Variants in ADAMTS16 observed in about 807,000 individuals in gnomAD.
ADAMTS16 encodes A disintegrin and metalloproteinase with thrombospondin motifs 16.
In ADAMTS16, 94 loss-of-function variants were observed where a neutral mutation model predicts 145.8. The observed-to-expected ratio is 0.64, with a 90% confidence interval of 0.55 to 0.77. The LOEUF (loss-of-function observed/expected upper bound fraction) is 0.77. Among genes scored for constraint, ADAMTS16 ranks in the 30% least tolerant of loss-of-function variants. The pLI is 0.00. For missense variants in ADAMTS16, 1,585 were observed against 1,591.5 expected (o/e 1.00, Z 0.07); for synonymous variants, 659 against 604.3 (o/e 1.09, Z -1.33).
intron 18 of ADAMTS16, among the ~76,000 whole-genome samples, chr5:5,291,665 C>T (rs1353587921): frequency 1.8e-4 from 25 of 139,268 alleles, no homozygotes; most frequent in African/African-American, 6.2e-4. Flanking sequence ...CCCCCACCCC[C>T]ACACCACAAG....
intron 3 of ADAMTS16, among the ~76,000 whole-genome samples, chr5:5,148,771 A>G (rs1161498737): frequency 2.0e-5 from 3 of 152,216 alleles, no homozygotes; most frequent in Non-Finnish European, 4.4e-5. Context: ...AGAACTATGT[A>G]TGGCTGCAGC....
Position 5,306,492 on chromosome 5 carries a change from T to C in ADAMTS16, c.3187-12T>C. 6.3e-7 allele frequency: 1 copy of C among 1,596,216 alleles called. No homozygotes were observed. The highest frequency in any genetic ancestry group is 8.6e-7 in the Non-Finnish European group (1 of 1,168,662). ...TTTTTTTCACTGACTTCTTTTGTTC[T>C]CTTCTTTTTAGTGCTCTGTGACATG... On this transcript the variant is annotated splice_polypyrimidine_tract_variant and intron_variant, in intron 20 of 22. Coordinates refer to ENST00000274181, the MANE Select transcript of ADAMTS16 (RefSeq NM_139056.4).
rs759385638 is a variant in ADAMTS16, at chr5:5,303,635, T to G, written c.3055T>G (p.Ser1019Ala). 16 of 1,614,058 alleles carry G rather than the reference T, an allele frequency of 9.9e-6. No individual in the cohort carries two copies. The South Asian group carries it at 1.5e-4, about 16-fold the overall frequency. Residue 1019 changes from serine (S) to alanine (A), a missense_variant, in exon 20 of 23, where the codon TCG (serine) becomes GCG (alanine). Ser to Ala is a moderately conservative substitution (Grantham distance 99, BLOSUM62 1). Coordinates refer to ENST00000274181, the MANE Select transcript of ADAMTS16 (RefSeq NM_139056.4). ...AGTGGCCTGTAAGAGCACCAACCCC[T>G]CGGCCAGAGCGCAGCTGCTGCCCGA... ...RAVACKSTNP[S>A]ARAQLLPDAV...
At chr5:5,288,848 C>T (rs1292122430) in intron 18 of ADAMTS16, among the ~76,000 whole-genome samples, 2 of 152,192 alleles carry the variant, frequency 1.3e-5, no homozygotes, top group Non-Finnish European at 2.9e-5. Context: ...GGCTCCCTTC[C>T]TGATCCTGCC....
Position 5,140,492 on chromosome 5 carries a change from CG to C in ADAMTS16, c.29del (p.Gly10AlafsTer92). On this transcript the variant is annotated frameshift_variant, in exon 1 of 23. Coordinates refer to ENST00000274181, the MANE Select transcript of ADAMTS16 (RefSeq NM_139056.4). LOFTEE classifies it high-confidence loss of function. MKPRARGW[R>X]GLAALWMLLA... ...GATGAAGCCCCGCGCGCGCGGATGG[CG>C]GGGCTTGGCGGCGCTGTGGATGCTG... is the stretch of plus-strand genomic sequence containing the variant. 6.6e-7 allele frequency: 1 copy of C among 1,516,868 alleles called. No homozygotes were observed. Among genetic ancestry groups the C allele is most frequent in the Non-Finnish European group, 8.8e-7 (1 of 1,142,518 alleles). The allele number at this position is 1,516,868 out of a possible 1,614,324, so 94.0% of individuals were successfully genotyped here.
In ADAMTS16 at chr5:5,232,426, G is replaced by A. The variant is rs2126369672; in HGVS notation, c.1760G>A (p.Gly587Asp). 1 of 1,614,010 alleles carries A rather than the reference G, an allele frequency of 6.2e-7. No homozygotes were observed. The highest frequency in any genetic ancestry group is 2.2e-5 in the East Asian group (1 of 44,868). The change falls in exon 12 of 23, where the codon GGC becomes GAC. Residue 587 changes from glycine (G) to aspartate (D), a missense_variant. By Grantham distance (94) the Gly-to-Asp change is moderately conservative. Transcript: ENST00000274181. Reference protein sequence around the residue: ...YGDEGPKPTHGHWSDWSSWSP... With the variant: ...YGDEGPKPTHDHWSDWSSWSP... ...GATGAAGGCCCCAAGCCCACCCATG[G>A]CCACTGGTCGGACTGGTCTTCTTGG...
Position 5,200,258 on chromosome 5 carries a change from C to T in ADAMTS16, c.1440C>T (p.His480=), listed in dbSNP as rs1224857025. ...SWSPCSRQYL[H]KFLSTAQAIC... ...CACCCTGCAGCCGCCAGTATCTACA[C>T]AAATTTCTAAGGTAGGAACTCTTTA... The change falls in exon 9 of 23, where the codon CAC becomes CAT. Residue 480 remains histidine, a synonymous_variant. Coordinates refer to ENST00000274181, the MANE Select transcript of ADAMTS16 (RefSeq NM_139056.4). The T allele has an allele frequency of 3.1e-6, 5 of 1,613,944 alleles. No individual in the cohort carries two copies. The highest frequency in any genetic ancestry group is 4.2e-6 in the Non-Finnish European group (5 of 1,179,966).
rs191517591 is a variant in ADAMTS16, at chr5:5,146,143, C to A, written c.189C>A (p.Val63=). The A allele has an allele frequency of 3.7e-5, 59 of 1,613,524 alleles. No individual in the cohort carries two copies. The highest frequency in any genetic ancestry group is 1.7e-4 in the Middle Eastern group (1 of 6,060). The stretch of plus-strand genomic sequence containing the variant: ...TTTTGATTTCAGAATATGACCTGGT[C>A]TCTGCCTACGAGGTTGACCACAGGG... ...GWMEKGEYDL[V]SAYEVDHRGD... Residue 63 remains valine (V), a synonymous_variant, in exon 3 of 23, where the codon GTC becomes GTA. Coordinates refer to ENST00000274181, the MANE Select transcript of ADAMTS16 (RefSeq NM_139056.4).
chr5:5,234,304 G>A (rs905060379), intron 12 of ADAMTS16, among the ~76,000 whole-genome samples: 1 of 152,174 alleles, frequency 6.6e-6, no homozygotes, highest in African/African-American at 2.4e-5. Flanking sequence ...AAGAAATTTT[G>A]GTCTTGAAAG....
chr5:5,189,010 G>A (rs1560065), intron 6 of ADAMTS16, among the ~76,000 whole-genome samples: 102,866 of 152,102 alleles, frequency 0.68, 35,218 homozygotes, highest in East Asian at 0.81. Flanking sequence ...GCTAAAGAAC[G>A]CAAGGCTTGC....
At chr5:5,251,851 C>T (rs560612673) in intron 17 of ADAMTS16, among the ~76,000 whole-genome samples, 1 of 152,110 alleles carries the variant, frequency 6.6e-6, no homozygotes, top group Non-Finnish European at 1.5e-5. Flanking sequence ...GCCAAGTACT[C>T]GGTGCTTTTT....
intron 10 of ADAMTS16, among the ~76,000 whole-genome samples, chr5:5,222,583 G>A (rs1397220819): frequency 6.6e-6 from 1 of 152,080 alleles, no homozygotes; most frequent in African/African-American, 2.4e-5. Context: ...AACAAATAAA[G>A]TATAAGAGAT....
chr5:5,219,605 T>C (rs549277213), intron 10 of ADAMTS16, among the ~76,000 whole-genome samples: 5 of 152,366 alleles, frequency 3.3e-5, no homozygotes, highest in African/African-American at 1.2e-4. Context: ...TCCCAAATTA[T>C]GTTTTAAGTG....
intron 2 of ADAMTS16, among the ~76,000 whole-genome samples, chr5:5,141,717 A>T (rs549121056): frequency 6.6e-6 from 1 of 152,242 alleles, no homozygotes; most frequent in Non-Finnish European, 1.5e-5. Flanking sequence ...AGTTATTTCA[A>T]TTTGATAAAA....
intron 18 of ADAMTS16, among the ~76,000 whole-genome samples, chr5:5,283,960 A>G (rs1579378363): frequency 6.6e-6 from 1 of 152,188 alleles, no homozygotes; most frequent in East Asian, 1.9e-4. Context: ...TTGGTCTATG[A>G]TATTATTTGT....
chr5:5,217,529 G>A (rs997030143), intron 10 of ADAMTS16, among the ~76,000 whole-genome samples: 1 of 152,160 alleles, frequency 6.6e-6, no homozygotes. Flanking sequence ...GTTGAAGAGT[G>A]TAGTACAGAC....
chr5:5,232,919 A>G (rs955724196), intron 12 of ADAMTS16, among the ~76,000 whole-genome samples: 1 of 152,112 alleles, frequency 6.6e-6, no homozygotes, highest in African/African-American at 2.4e-5. Flanking sequence ...CTTAATAGCA[A>G]GCCTGTACTG....
rs1460301606 is a variant in ADAMTS16 at position 5,310,045 on chromosome 5, T to C, written c.3411+3317T>C. On this transcript the variant is annotated intron_variant, in intron 21 of 22. Transcript: ENST00000274181. The surrounding 1 kb of genome is among the most constrained non-coding windows in gnomAD (Gnocchi z 4.3). ...CCTGCCAGTGGGGCAAAACCCACCATAGGCCACTCCGCAGGCAGAGGAGTG... is the reference window on the plus strand; with the variant it reads ...CCTGCCAGTGGGGCAAAACCCACCACAGGCCACTCCGCAGGCAGAGGAGTG... Among the ~76,000 whole-genome samples the C allele has an allele frequency of 2.6e-5, 4 of 152,150 alleles. No homozygotes were observed. The highest frequency in any genetic ancestry group is 4.4e-5 in the Non-Finnish European group (3 of 68,010).
chr5:5,319,212 T>C lies in ADAMTS16; in HGVS notation c.*74T>C. The stretch of plus-strand genomic sequence containing the variant: ...TTTCCCACAAATGAGCTGTGCAATC[T>C]ACGTCGGAATACATCCAAGGAAGAG... On this transcript the variant is annotated 3_prime_UTR_variant, in exon 23 of 23. Transcript: ENST00000274181. 9.3e-7 allele frequency: 1 copy of C among 1,077,652 alleles called. No individual in the cohort carries two copies. Among genetic ancestry groups the C allele is most frequent in the South Asian group, 1.3e-5 (1 of 74,868 alleles). The allele number at this position is 1,077,652 out of a possible 1,614,324, so 66.8% of individuals were successfully genotyped here. A position where few individuals can be genotyped will look rare whatever the true frequency, so the allele number is the denominator to read the frequency against.
Sources: gnomAD v4.1 joint callset for allele counts (sites outside exome capture counted in the v4.1 genomes callset) on GRCh38, gnomAD v4.1.1 for gene constraint, Gnocchi (gnomAD v3.1) non-coding constraint, MANE v1.5 for transcripts, NCBI Gene and HGNC (gene_info 2026-07-23, HGNC 2026-07-21) for gene names.